Variants in REV1 observed in about 807,000 individuals in gnomAD.
The protein encoded by REV1 is REV1 DNA directed polymerase.
Under a neutral mutation model 137.4 loss-of-function variants are expected in REV1, and 42 were observed. That is an observed-to-expected ratio of 0.31 (90% CI 0.24 to 0.40). The LOEUF is 0.40. Ranked by LOEUF, REV1 falls within the 10% of genes least tolerant of loss-of-function variation. The probability of loss-of-function intolerance (pLI) is 1.00; values close to 1 mark genes in which losing one functional copy is unlikely to be tolerated. For synonymous variants in REV1, 524 were observed against 519.2 expected, an observed-to-expected ratio of 1.01 and a Z score of -0.12; for missense variants, 1,282 against 1,490.1, an observed-to-expected ratio of 0.86 and a Z score of 2.30.
chr2:99,412,772 A>G lies in REV1; in HGVS notation c.2131T>C (p.Ser711Pro). 6.2e-7 allele frequency: 1 copy of G among 1,614,098 alleles called. No individual in the cohort carries two copies. Among genetic ancestry groups the G allele is most frequent in the Non-Finnish European group, 8.5e-7 (1 of 1,179,986 alleles). ...CCATAGTTGATCTCAGCTGAAACAG[A>G]TTTTCTTTCCTTTTCAGTTCGAACT... is the stretch of plus-strand genomic sequence containing the variant. ...RPVRTEKERKSVSAEINYGIR... is the reference protein window; with the variant it reads ...RPVRTEKERKPVSAEINYGIR... The change falls in exon 13 of 23, where the codon TCT (serine) becomes CCT (proline). Residue 711 changes from serine to proline, a missense_variant. By Grantham distance (74) the Ser-to-Pro change is moderately conservative (BLOSUM62 -1). Around this residue, in one of 7 missense-constraint regions of REV1, gnomAD observed 372 missense variants for 482.3 expected, o/e 0.77. Transcript: ENST00000258428.
chr2:99,472,035 T>C (rs1685481220), intron 1 of REV1, among the ~76,000 whole-genome samples: 1 of 152,100 alleles, frequency 6.6e-6, no homozygotes, highest in Admixed American at 6.5e-5. Flanking sequence ...AGAATTATCA[T>C]GTAATTCCAC....
At chr2:99,484,683 AGTT>A (rs953941536) in intron 1 of REV1, among the ~76,000 whole-genome samples, 2 of 151,990 alleles carry the variant, frequency 1.3e-5, no homozygotes, top group Admixed American at 1.3e-4. Context: ...TAGTAGTAGT[AGTT>A]AAATCTAAAA....
chr2:99,402,865 T>TA, intron 20 of REV1, 24 bp downstream of exon 20: 1 of 1,612,816 alleles, frequency 6.2e-7, no homozygotes, highest in Non-Finnish European at 8.5e-7. Flanking sequence ...TAAGATCTCA[T>TA]AAAGGTCAAA....
chr2:99,488,914 T>C (rs2104348009), intron 1 of REV1, among the ~76,000 whole-genome samples: 1 of 152,308 alleles, frequency 6.6e-6, no homozygotes, highest in African/African-American at 2.4e-5. Flanking sequence ...GTCTGCATTA[T>C]TTTCACCTAA....
chr2:99,462,392 T>A, intron 3 of REV1, 104 bp downstream of exon 3: 1 of 1,067,790 alleles, frequency 9.4e-7, no homozygotes, highest in Non-Finnish European at 1.3e-6. Context: ...CATCTTACAA[T>A]CATTTGTCTA....
At chr2:99,482,133 G>A (rs924097241) in intron 1 of REV1, among the ~76,000 whole-genome samples, 3 of 152,202 alleles carry the variant, frequency 2.0e-5, no homozygotes, top group Non-Finnish European at 4.4e-5. Flanking sequence ...CAGGGAGAAG[G>A]GGACTGGGGA....
At chr2:99,475,238 C>A (rs1431435285) in intron 1 of REV1, among the ~76,000 whole-genome samples, 1 of 152,068 alleles carries the variant, frequency 6.6e-6, no homozygotes, top group African/African-American at 2.4e-5. Flanking sequence ...TTGGCTGGAA[C>A]GGGACCTCAC....
chr2:99,431,513 T>A (rs2104734640), intron 8 of REV1, among the ~76,000 whole-genome samples: 1 of 151,884 alleles, frequency 6.6e-6, no homozygotes, highest in Admixed American at 6.5e-5. Flanking sequence ...TGCTGAAGCT[T>A]GAACAGCCAC....
At chr2:99,463,944 G>C (rs1056046343) in intron 2 of REV1, among the ~76,000 whole-genome samples, 99 of 152,098 alleles carry the variant, frequency 6.5e-4, no homozygotes, top group African/African-American at 2.4e-3. Flanking sequence ...TTTTAGACTG[G>C]CTTCCACTAT....
intron 8 of REV1, among the ~76,000 whole-genome samples, chr2:99,430,787 T>C (rs1172526998): frequency 6.6e-6 from 1 of 151,962 alleles, no homozygotes; most frequent in African/African-American, 2.4e-5. Flanking sequence ...AATTGAGAAA[T>C]AAATTAAAAC....
In REV1 at chr2:99,406,844, T is replaced by C. The variant is rs573650919; in HGVS notation, c.2449-354A>G. On this transcript the variant is annotated intron_variant, in intron 15 of 22. Transcript: ENST00000258428. ...AAAAAATTAAGAGAGGACAGTCTAC[T>C]TGGAAACTTCACTATTTTTATCTTT... 22 of 161,210 alleles carry C rather than the reference T, an allele frequency of 1.4e-4. No individual in the cohort carries two copies. In the South Asian group the frequency reaches 4.5e-3, roughly 33 times the overall value. The allele number at this position is 161,210 out of a possible 1,614,324, so 10.0% of individuals were successfully genotyped here. A position where few individuals can be genotyped will look rare whatever the true frequency, so the allele number is the denominator to read the frequency against.
At position 99,464,902 on chromosome 2, in the gene REV1, TTTACTCTTTTA is replaced by T; in HGVS notation, c.54+9_54+19del. On this transcript the variant is annotated intron_variant, in intron 2 of 22. Transcript: ENST00000258428. ...AACTAGACAGTTCGATATAATTATT[TTTACTCTTTTA>T]AAACACACCCATGTTTCCCAGCCAT... 6.2e-7 allele frequency: 1 copy of T among 1,608,134 alleles called. No homozygotes were observed. The highest frequency in any genetic ancestry group is 1.7e-5 in the Admixed American group (1 of 59,984).
intron 22 of REV1, among the ~76,000 whole-genome samples, chr2:99,401,583 C>CA (rs1675427056): frequency 1.3e-5 from 2 of 151,766 alleles, no homozygotes; most frequent in South Asian, 2.1e-4. Context: ...CCCGTCTCTA[C>CA]AAAAAATAGA....
At chr2:99,425,528 T>C (rs1679220833) in intron 9 of REV1, among the ~76,000 whole-genome samples, 1 of 152,192 alleles carries the variant, frequency 6.6e-6, no homozygotes, top group Admixed American at 6.5e-5. Flanking sequence ...AAGGATGACC[T>C]ATGGTCAACA....
chr2:99,461,612 A>C (rs758732903), intron 3 of REV1, among the ~76,000 whole-genome samples: 7 of 152,234 alleles, frequency 4.6e-5, no homozygotes, highest in Non-Finnish European at 8.8e-5. Flanking sequence ...CAAAAAATAC[A>C]ATGAAATGAT....
chr2:99,424,001 G>A, intron 10 of REV1, 151 bp downstream of exon 10: 1 of 749,384 alleles, frequency 1.3e-6, no homozygotes, highest in South Asian at 2.2e-5. Context: ...CCCAAAGAAA[G>A]GTCTCAAACT....
intron 1 of REV1, among the ~76,000 whole-genome samples, chr2:99,478,542 C>T (rs1044245749): frequency 2.6e-5 from 4 of 152,110 alleles, no homozygotes; most frequent in Non-Finnish European, 5.9e-5. Flanking sequence ...GTGGTATAAT[C>T]TCACAGGAAA....
In REV1 at chr2:99,404,492, C is replaced by G. The variant is rs2290260; in HGVS notation, c.2997G>C (p.Ser999=). ...VLLQIPEPQE[S]NSDAGINLIA... Reference sequence around the variant, plus strand: ...TTAAATTTATTCCTGCGTCACTGTTCGATTCTTGAGGTTCTGGTATTTGCA... The same window carrying G: ...TTAAATTTATTCCTGCGTCACTGTTGGATTCTTGAGGTTCTGGTATTTGCA... The change falls in exon 18 of 23, where the codon TCG becomes TCC. Residue 999 remains serine (S), a synonymous_variant. Coordinates refer to ENST00000258428, the MANE Select transcript of REV1 (RefSeq NM_016316.4). The G allele has an allele frequency of 6.2e-7, 1 of 1,614,066 alleles. No homozygotes were observed. Among genetic ancestry groups the G allele is most frequent in the African/African-American group, 1.3e-5 (1 of 75,016 alleles).
intron 22 of REV1, 151 bp from the exon 23 acceptor site, chr2:99,401,503 T>C (rs982654878): frequency 1.8e-5 from 9 of 498,496 alleles, no homozygotes; most frequent in South Asian, 8.6e-5. Flanking sequence ...TCCCAGCACT[T>C]TGGGAGGCCG....
Sources: gnomAD v4.1 joint callset for allele counts (sites outside exome capture counted in the v4.1 genomes callset) on GRCh38, gnomAD v4.1.1 for gene constraint, gnomAD v4.1.1 regional missense constraint, MANE v1.5 for transcripts, NCBI Gene and HGNC (gene_info 2026-07-23, HGNC 2026-07-21) for gene names.